The following NF1 variants were observed in gnomAD, a reference collection of about 807,000 sequenced individuals.
The protein encoded by NF1 is neurofibromin 1.
A neutral mutation model predicts 325.7 loss-of-function variants in NF1; 122 were observed. The observed-to-expected ratio is 0.37, with a 90% CI of 0.32 to 0.44. The LOEUF (loss-of-function observed/expected upper bound fraction) is 0.44. NF1 is among the 20% of genes least tolerant of loss of function. The pLI is 1.00. For missense variants in NF1, 2,140 were observed against 3,415.4 expected, an observed-to-expected ratio of 0.63 and a Z score of 9.31; for synonymous variants, 1,091 against 1,186.0, an observed-to-expected ratio of 0.92 and a Z score of 1.65.
rs1229286593 is a variant in NF1 at position 31,344,308 on chromosome 17, C to T, written c.7189+1173C>T. ...CACTTCCTAACCTGGTTTTACTCCC[C>T]GTTGCTGACTTCACAGCTTGTTAAC... On this transcript the variant is annotated intron_variant, in intron 48 of 57. Transcript: ENST00000358273. Among the ~76,000 whole-genome samples the T allele has an allele frequency of 3.3e-5, 5 of 152,186 alleles. No individual in the cohort carries two copies. The East Asian group carries it at 5.8e-4, about 18-fold the overall frequency.
chr17:31,210,507 C>G (rs2066710516), intron 12 of NF1, among the ~76,000 whole-genome samples: 1 of 152,198 alleles, frequency 6.6e-6, no homozygotes, highest in East Asian at 1.9e-4. Flanking sequence ...ATTGCTTGAA[C>G]CCGGGAGGCG....
At position 31,161,628 on chromosome 17, in the gene NF1, A is replaced by G. The variant is rs533396615; in HGVS notation, c.289-1558A>G. ...GAAGTTATCAAACTTGGTGTCAATA[A>G]CAGGACCACCTGGCCTTATGTTCTC... On this transcript the variant is annotated intron_variant, in intron 3 of 57. Coordinates refer to ENST00000358273, the MANE Select transcript of NF1 (RefSeq NM_001042492.3). Among the ~76,000 whole-genome samples the G allele has an allele frequency of 2.6e-5, 4 of 152,378 alleles. No individual in the cohort carries two copies. The South Asian group carries it at 8.3e-4, about 32-fold the overall frequency.
intron 36 of NF1, chr17:31,317,439 A>G (rs1201173653): frequency 6.6e-6 from 1 of 151,618 alleles, no homozygotes. Flanking sequence ...GGCATCCTTG[A>G]AGTCCAAAAA....
At chr17:31,236,134 G>GT in intron 29 of NF1, 113 bp downstream of exon 29, 1 of 746,054 alleles carries the variant, frequency 1.3e-6, no homozygotes, top group Non-Finnish European at 2.3e-6. Context: ...ATTAAAATTA[G>GT]TTTTTAATTA....
chr17:31,112,378 C>G (rs1228356356), intron 1 of NF1, among the ~76,000 whole-genome samples: 1 of 152,088 alleles, frequency 6.6e-6, no homozygotes, highest in Non-Finnish European at 1.5e-5. Context: ...CCAAGCTGTT[C>G]CTAAAGTGAT....
intron 1 of NF1, among the ~76,000 whole-genome samples, chr17:31,130,481 A>G (rs1052678550): frequency 6.7e-6 from 1 of 148,660 alleles, no homozygotes; most frequent in African/African-American, 2.5e-5. Context: ...GCTGGTACAC[A>G]TGCACTGGTG....
At chr17:31,133,920 A>T (rs924398115) in intron 1 of NF1, among the ~76,000 whole-genome samples, 2 of 152,054 alleles carry the variant, frequency 1.3e-5, no homozygotes, top group Admixed American at 6.6e-5. Flanking sequence ...GCCTCCCAAA[A>T]TGTTGGGATT....
intron 11 of NF1, among the ~76,000 whole-genome samples, chr17:31,203,448 T>C (rs1421557709): frequency 6.6e-6 from 1 of 152,224 alleles, no homozygotes; most frequent in African/African-American, 2.4e-5. Flanking sequence ...ACTTTATTAT[T>C]ATAGATAGTG....
chr17:31,150,757 C>T (rs1916875486), intron 1 of NF1, among the ~76,000 whole-genome samples: 1 of 152,042 alleles, frequency 6.6e-6, no homozygotes, highest in Non-Finnish European at 1.5e-5. Flanking sequence ...TCCGGCTGGG[C>T]ACGGTGGCTC....
intron 30 of NF1, among the ~76,000 whole-genome samples, chr17:31,249,350 T>C (rs1192465517): frequency 6.6e-6 from 1 of 152,204 alleles, no homozygotes; most frequent in Non-Finnish European, 1.5e-5. Context: ...TTTACTTGCA[T>C]TGGGAGCAAG....
chr17:31,247,975 G>T (rs2067426424), intron 29 of NF1, among the ~76,000 whole-genome samples: 1 of 152,182 alleles, frequency 6.6e-6, no homozygotes, highest in Non-Finnish European at 1.5e-5. Context: ...GGCCGAGGCA[G>T]GTGGGTCACT....
chr17:31,222,056 A>G (rs2066933687), intron 15 of NF1, 127 bp downstream of exon 15: 1 of 1,276,856 alleles, frequency 7.8e-7, no homozygotes, highest in African/African-American at 1.5e-5. Context: ...ATGGTTTTGT[A>G]TTTTATTTGA....
intron 36 of NF1, among the ~76,000 whole-genome samples, chr17:31,315,530 C>G (rs2068998550): frequency 6.6e-6 from 1 of 152,114 alleles, no homozygotes; most frequent in African/African-American, 2.4e-5. Flanking sequence ...ATATATACAC[C>G]TACTATGTAC....
At chr17:31,143,833 G>GT (rs1916401354) in intron 1 of NF1, among the ~76,000 whole-genome samples, 1 of 150,644 alleles carries the variant, frequency 6.6e-6, no homozygotes, top group African/African-American at 2.4e-5. Flanking sequence ...TTTTTGTTTT[G>GT]TTTTTTGAGA....
intron 29 of NF1, among the ~76,000 whole-genome samples, chr17:31,248,586 G>A (rs963330472): frequency 2.0e-5 from 3 of 151,850 alleles, no homozygotes; most frequent in Non-Finnish European, 4.4e-5. Flanking sequence ...CCAAGCTGGA[G>A]TGCAGTGGTG....
At chr17:31,102,032 A>G (rs1912387707) in intron 1 of NF1, among the ~76,000 whole-genome samples, 1 of 152,232 alleles carries the variant, frequency 6.6e-6, no homozygotes, top group Non-Finnish European at 1.5e-5. Context: ...CTAAATAAAA[A>G]AAGTGGTACT....
chr17:31,292,953 G>A (rs773364392), intron 36 of NF1, among the ~76,000 whole-genome samples: 4 of 152,022 alleles, frequency 2.6e-5, no homozygotes, highest in African/African-American at 7.2e-5. Context: ...CAAAGCAGGC[G>A]AATCACCTGA....
intron 6 of NF1, 21 bp downstream of exon 6, chr17:31,181,510 T>C (rs373892165): frequency 8.1e-6 from 13 of 1,610,758 alleles, no homozygotes; most frequent in African/African-American, 6.7e-5. Context: ...ACCTCTCTGG[T>C]ATTAAAATTT....
intron 3 of NF1, among the ~76,000 whole-genome samples, chr17:31,162,566 A>T (rs1285228964): frequency 6.6e-6 from 1 of 152,216 alleles, no homozygotes; most frequent in African/African-American, 2.4e-5. Flanking sequence ...CAGACTTGGT[A>T]TTAGATGATA....
Sources: allele counts gnomAD v4.1 joint callset (sites outside exome capture counted in the v4.1 genomes callset), GRCh38; gene constraint gnomAD v4.1.1; transcripts MANE v1.5; gene names NCBI Gene and HGNC (gene_info 2026-07-23, HGNC 2026-07-21).